Variants in HSD17B4 observed in about 807,000 individuals in gnomAD.
The protein encoded by HSD17B4 is peroxisomal multifunctional enzyme type 2.
HSD17B4 carries 70 observed loss-of-function variants against 101.0 expected under a neutral mutation model. That is an observed-to-expected ratio of 0.69 (90% CI 0.57 to 0.85). The LOEUF (loss-of-function observed/expected upper bound fraction) is 0.85. Among genes scored for constraint, HSD17B4 ranks in the 40% least tolerant of loss-of-function variants. HSD17B4 has a pLI of 0.00. For synonymous variants in HSD17B4, 347 were observed against 297.1 expected (o/e 1.17, Z -1.73); for missense variants, 984 against 892.4 (o/e 1.10, Z -1.31).
chr5:119,462,437 G>C (rs1185063781), intron 2 of HSD17B4, among the ~76,000 whole-genome samples: 2 of 151,398 alleles, frequency 1.3e-5, no homozygotes, highest in Admixed American at 6.6e-5. Flanking sequence ...TTTCCAAACT[G>C]TTTTCTTATC....
chr5:119,492,060 C>G, intron 9 of HSD17B4, 40 bp from the exon 10 acceptor site: 1 of 1,537,376 alleles, frequency 6.5e-7, no homozygotes, highest in Non-Finnish European at 9.0e-7. Context: ...TTAGTGATTT[C>G]ACATTAGATG....
rs372914814 is a variant in HSD17B4, at chr5:119,478,965, G to A, written c.566G>A (p.Cys189Tyr). 1.9e-6 allele frequency: 3 copies of A among 1,613,694 alleles called. No homozygotes were observed. Among genetic ancestry groups the A allele is most frequent in the East Asian group, 4.5e-5 (2 of 44,866 alleles). Residue 189 changes from cysteine to tyrosine, a missense_variant, in exon 8 of 24, where the codon TGT becomes TAT. Physicochemically the swap from Cys to Tyr is radical, Grantham distance 194. Coordinates refer to ENST00000510025, the MANE Select transcript of HSD17B4 (RefSeq NM_000414.4). The part of the protein sequence containing the change: ...AIEGRKSNIH[C>Y]NTIAPNAGSR... ...GAAGGCAGGAAAAGCAACATTCATT[G>A]TAACACCATTGCTCCTAATGCGGGA... is the stretch of plus-strand genomic sequence containing the variant.
intron 23 of HSD17B4, among the ~76,000 whole-genome samples, chr5:119,537,626 A>G (rs1363566597): frequency 6.6e-6 from 1 of 152,294 alleles, no homozygotes; most frequent in East Asian, 1.9e-4. Context: ...GCCTGAGTAT[A>G]GTGTTAGAGC....
intron 15 of HSD17B4, among the ~76,000 whole-genome samples, chr5:119,507,922 A>G (rs920269894): frequency 8.5e-5 from 13 of 152,174 alleles, no homozygotes; most frequent in Non-Finnish European, 1.6e-4. Flanking sequence ...ACCCAAGAAC[A>G]GTATAAAGTT....
At chr5:119,528,515 C>G (rs867592471) in intron 20 of HSD17B4, among the ~76,000 whole-genome samples, 2 of 152,168 alleles carry the variant, frequency 1.3e-5, no homozygotes, top group African/African-American at 4.8e-5. Flanking sequence ...TAGATACACT[C>G]AAATTGGTGT....
chr5:119,481,871 G>A (rs1561448205), intron 8 of HSD17B4, among the ~76,000 whole-genome samples: 2 of 152,128 alleles, frequency 1.3e-5, no homozygotes, highest in Non-Finnish European at 2.9e-5. Flanking sequence ...GAAAGGAAGT[G>A]TGACATAATT....
At chr5:119,516,115 T>G (rs1752593401) in intron 17 of HSD17B4, among the ~76,000 whole-genome samples, 1 of 152,196 alleles carries the variant, frequency 6.6e-6, no homozygotes, top group Non-Finnish European at 1.5e-5. Flanking sequence ...AGAATTAAAG[T>G]TGGTACATAT....
intron 17 of HSD17B4, among the ~76,000 whole-genome samples, chr5:119,520,126 T>A (rs1195784929): frequency 6.6e-6 from 1 of 151,826 alleles, no homozygotes; most frequent in East Asian, 1.9e-4. Context: ...ACCAAAAAAA[T>A]TACCATACAT....
intron 2 of HSD17B4, among the ~76,000 whole-genome samples, chr5:119,466,719 A>T (rs1016675094): frequency 6.6e-6 from 1 of 150,550 alleles, no homozygotes. Context: ...AGTTTTGTTT[A>T]TCTTTTCAAA....
At chr5:119,469,634 C>T (rs556196812) in intron 2 of HSD17B4, among the ~76,000 whole-genome samples, 2 of 152,274 alleles carry the variant, frequency 1.3e-5, no homozygotes, top group Non-Finnish European at 2.9e-5. Flanking sequence ...GGATTGCAGG[C>T]GTGAGCCACT....
intron 15 of HSD17B4, among the ~76,000 whole-genome samples, chr5:119,507,646 T>C (rs983431267): frequency 2.6e-5 from 4 of 151,250 alleles, no homozygotes; most frequent in African/African-American, 9.7e-5. Flanking sequence ...AAGCCGGGCA[T>C]GGTGGCGGGC....
rs113957498 is a variant in HSD17B4 at position 119,504,130 on chromosome 5, C to T, written c.1261+2038C>T. Among the ~76,000 whole-genome samples the T allele has an allele frequency of 6.5e-3, 986 of 152,196 alleles. 3 individuals are homozygous for T. The highest frequency in any genetic ancestry group is 0.012 in the African/African-American group (490 of 41,528). On this transcript the variant is annotated intron_variant, in intron 14 of 23. Transcript: ENST00000510025. Reference sequence around the variant, plus strand: ...ATGATTTTGTTCTTTTTCATGGCTGCGTAGTATTCCATGGTATATATGTAC... The same window carrying T: ...ATGATTTTGTTCTTTTTCATGGCTGTGTAGTATTCCATGGTATATATGTAC...
chr5:119,490,029 C>CA (rs1749958665), intron 9 of HSD17B4, among the ~76,000 whole-genome samples: 1 of 151,920 alleles, frequency 6.6e-6, no homozygotes, highest in African/African-American at 2.4e-5. Flanking sequence ...ATTAGACCCC[C>CA]CCCCATTTTA....
intron 17 of HSD17B4, among the ~76,000 whole-genome samples, chr5:119,516,708 T>C (rs1366606239): frequency 1.3e-5 from 2 of 152,196 alleles, no homozygotes; most frequent in African/African-American, 4.8e-5. Flanking sequence ...CATTTGAAAT[T>C]GGATGCATGC....
intron 22 of HSD17B4, 58 bp downstream of exon 22, chr5:119,531,462 C>A: frequency 6.5e-7 from 1 of 1,532,076 alleles, no homozygotes; most frequent in African/African-American, 1.4e-5. Context: ...AATAAAGTAT[C>A]TTTTTAACAA....
At chr5:119,498,165 G>C (rs371129209) in intron 12 of HSD17B4, among the ~76,000 whole-genome samples, 1 of 152,144 alleles carries the variant, frequency 6.6e-6, no homozygotes, top group African/African-American at 2.4e-5. Flanking sequence ...ATTAGATTCT[G>C]TTGTTTTGTA....
chr5:119,530,948 A>T (rs1002808179), intron 21 of HSD17B4, among the ~76,000 whole-genome samples: 4 of 151,282 alleles, frequency 2.6e-5, no homozygotes, highest in Non-Finnish European at 4.4e-5. Context: ...TTTTATAAAT[A>T]AAAAAAATGA....
chr5:119,506,013 CATT>C (rs1171764135), intron 14 of HSD17B4, among the ~76,000 whole-genome samples: 1 of 152,008 alleles, frequency 6.6e-6, no homozygotes, highest in Non-Finnish European at 1.5e-5. Context: ...AGTTCAGGAA[CATT>C]ATTATTATTT....
rs184089935 is a variant in HSD17B4 at position 119,480,801 on chromosome 5, G to C, written c.622+1780G>C. 3.3e-5 allele frequency among the ~76,000 whole-genome samples: 5 copies of C among 152,250 alleles called. No homozygotes were observed. The South Asian group carries it at 6.2e-4, about 19-fold the overall frequency. On this transcript the variant is annotated intron_variant, in intron 8 of 23. Transcript: ENST00000510025. ...ACCGTAAGAGACAGGTACGCCCCGG[G>C]GGGGCCAGTTCAGAGACCTACCCCT...
Sources: gnomAD v4.1 joint callset for allele counts (sites outside exome capture counted in the v4.1 genomes callset) on GRCh38, gnomAD v4.1.1 for gene constraint, MANE v1.5 for transcripts, NCBI Gene and HGNC (gene_info 2026-07-23, HGNC 2026-07-21) for gene names.